Variants in RYR2 observed in about 807,000 individuals in gnomAD.
The protein encoded by RYR2 is ryanodine receptor 2, also known as cardiac muscle ryanodine receptor-calcium release channel.
Under a neutral mutation model 601.1 loss-of-function variants are expected in RYR2, and 227 were observed. The observed-to-expected ratio is 0.38, with a 90% CI of 0.34 to 0.42. RYR2 has a LOEUF of 0.42. Ranked by LOEUF, RYR2 falls within the 10% of genes least tolerant of loss-of-function variation. The probability of loss-of-function intolerance (pLI) is 1.00; values close to 1 mark genes in which losing one functional copy is unlikely to be tolerated. For synonymous variants in RYR2, 2,223 were observed against 2,175.1 expected (o/e 1.02, Z -0.61); for missense variants, 4,646 against 6,156.5 (o/e 0.75, Z 8.21).
intron 52 of RYR2, among the ~76,000 whole-genome samples, chr1:237,655,191 C>A (rs1300360550): frequency 1.3e-5 from 2 of 152,088 alleles, no homozygotes; most frequent in African/African-American, 4.8e-5. Context: ...TTTTTAGAAT[C>A]ATTTACAACA....
At chr1:237,301,148 G>A (rs2058933) in intron 2 of RYR2, among the ~76,000 whole-genome samples, 75,014 of 151,744 alleles carry the variant, frequency 0.49, 19,512 homozygotes, top group African/African-American at 0.66. Context: ...GAATCCAATA[G>A]TTAATTAACA....
intron 1 of RYR2, among the ~76,000 whole-genome samples, chr1:237,269,604 A>T (rs1572421157): frequency 6.6e-6 from 1 of 152,204 alleles, no homozygotes; most frequent in African/African-American, 2.4e-5. Flanking sequence ...GGCCCTTGCC[A>T]CGTAGAACCT....
intron 23 of RYR2, among the ~76,000 whole-genome samples, chr1:237,510,860 T>G (rs570453058): frequency 1.3e-5 from 2 of 152,378 alleles, no homozygotes; most frequent in African/African-American, 4.8e-5. Flanking sequence ...TAGTTTAATG[T>G]GATTGCTAAT....
At chr1:237,380,799 C>T (rs1701440837) in intron 8 of RYR2, among the ~76,000 whole-genome samples, 2 of 151,928 alleles carry the variant, frequency 1.3e-5, no homozygotes, top group South Asian at 4.2e-4. Flanking sequence ...AAAATTAGGC[C>T]AGGCGCGGTG....
At position 237,106,941 on chromosome 1, in the gene RYR2, A is replaced by G. The variant is rs545663698; in HGVS notation, c.48+64372A>G. Among the ~76,000 whole-genome samples the G allele has an allele frequency of 2.6e-5, 4 of 152,250 alleles. No homozygotes were observed. In the East Asian group the frequency reaches 5.8e-4, roughly 22 times the overall value. On this transcript the variant is annotated intron_variant, in intron 1 of 104. Coordinates refer to ENST00000366574, the MANE Select transcript of RYR2 (RefSeq NM_001035.3). This position sits in a 1 kb window ranked among gnomAD's most constrained non-coding sequence, Gnocchi z 4.4. ...TCACCTCCCAAGGCCCCGCCTCCTA[A>G]TGCCATTACATTTGGGGTTAAGATT...
rs528227168 is a variant in RYR2, at chr1:237,605,869, A to G, written c.4683+3758A>G. Among the ~76,000 whole-genome samples the G allele has an allele frequency of 3.7e-3, 562 of 151,592 alleles. 6 individuals are homozygous for G. The highest frequency in any genetic ancestry group is 0.013 in the African/African-American group (531 of 41,472). Reference sequence around the variant, plus strand: ...GGAATCCAACTTACAAGGGATGTGAAGGACCTCTTCAAGGAGAACTACAAA... The same window carrying G: ...GGAATCCAACTTACAAGGGATGTGAGGGACCTCTTCAAGGAGAACTACAAA... On this transcript the variant is annotated intron_variant, in intron 35 of 104. Coordinates refer to ENST00000366574, the MANE Select transcript of RYR2 (RefSeq NM_001035.3).
intron 74 of RYR2, among the ~76,000 whole-genome samples, chr1:237,724,770 A>G (rs1225557426): frequency 9.9e-6 from 1 of 100,710 alleles, no homozygotes; most frequent in African/African-American, 3.5e-5. Flanking sequence ...TACATTTCTG[A>G]CAGCATTGCT....
At chr1:237,825,828 A>T (rs1418297656) in intron 101 of RYR2, among the ~76,000 whole-genome samples, 1 of 152,198 alleles carries the variant, frequency 6.6e-6, no homozygotes, top group Non-Finnish European at 1.5e-5. Flanking sequence ...TAAGAATAAA[A>T]CAAACAACCC....
At chr1:237,743,761 A>G (rs911510214) in intron 80 of RYR2, 16 of 402,854 alleles carry the variant, frequency 4.0e-5, no homozygotes, top group East Asian at 1.3e-4. Context: ...TTGTAGCTCC[A>G]ATGCATTTGG....
At chr1:237,371,179 A>G (rs932959730) in intron 6 of RYR2, among the ~76,000 whole-genome samples, 1 of 150,782 alleles carries the variant, frequency 6.6e-6, no homozygotes, top group African/African-American at 2.4e-5. Flanking sequence ...GTTTTTTGAG[A>G]TAGGGTCTTG....
At chr1:237,451,471 G>A (rs943446433) in intron 14 of RYR2, among the ~76,000 whole-genome samples, 2 of 151,572 alleles carry the variant, frequency 1.3e-5, no homozygotes, top group Non-Finnish European at 2.9e-5. Context: ...CTGTTCTGGA[G>A]GCTAAGGCTC....
At chr1:237,146,928 G>C (rs1674063604) in intron 1 of RYR2, among the ~76,000 whole-genome samples, 2 of 152,180 alleles carry the variant, frequency 1.3e-5, no homozygotes, top group African/African-American at 4.8e-5. Context: ...GTTTAGTGTT[G>C]AACATACTAC....
chr1:237,757,422 A>G (rs1333064644), intron 81 of RYR2, among the ~76,000 whole-genome samples: 1 of 152,174 alleles, frequency 6.6e-6, no homozygotes, highest in Admixed American at 6.5e-5. Flanking sequence ...AGGTCTCGAT[A>G]TTTCAAAATC....
chr1:237,455,016 G>A (rs928011633), intron 15 of RYR2, among the ~76,000 whole-genome samples: 2 of 152,136 alleles, frequency 1.3e-5, no homozygotes, highest in African/African-American at 4.8e-5. Flanking sequence ...GAAGCTGTCA[G>A]GAGAGGGCTA....
intron 1 of RYR2, among the ~76,000 whole-genome samples, chr1:237,148,147 T>A (rs1674220512): frequency 6.6e-6 from 1 of 152,114 alleles, no homozygotes; most frequent in African/African-American, 2.4e-5. Flanking sequence ...GTGTTCAGGG[T>A]CTCATCAAGT....
intron 80 of RYR2, among the ~76,000 whole-genome samples, chr1:237,753,987 C>G (rs1040889830): frequency 6.7e-6 from 1 of 149,866 alleles, no homozygotes; most frequent in African/African-American, 2.5e-5. Context: ...TGCCCAGAAG[C>G]TGTTCTCAAA....
chr1:237,400,353 G>A (rs1199150095), intron 10 of RYR2, among the ~76,000 whole-genome samples: 4 of 152,150 alleles, frequency 2.6e-5, no homozygotes, highest in African/African-American at 4.8e-5. Context: ...TGGCCTCTAA[G>A]GAGGTGGCAA....
In RYR2 at chr1:237,515,672, T is replaced by TTTCCTTCC. The variant is rs71180028; in HGVS notation, c.2822+3898_2822+3905dup. Among the ~76,000 whole-genome samples the TTTCCTTCC allele has an allele frequency of 8.6e-5, 9 of 104,878 alleles. No individual in the cohort carries two copies. In the East Asian group the frequency reaches 9.8e-4, roughly 11 times the overall value. 68.8% of individuals were successfully genotyped at this position (104,878 alleles called of 152,430 possible). ...CTTCCCTCCCCTTCCCCTCCCTTTT[T>TTTCCTTCC]TTCCTTCCTTCCTTCCTTCCTTCCC... On this transcript the variant is annotated intron_variant, in intron 24 of 104. Transcript: ENST00000366574.
chr1:237,081,445 A>G (rs574783567), intron 1 of RYR2, among the ~76,000 whole-genome samples: 1 of 152,030 alleles, frequency 6.6e-6, no homozygotes, highest in Non-Finnish European at 1.5e-5. Context: ...TAAAGGGACA[A>G]CCAAGATCCA....
Sources: gnomAD v4.1 joint callset for allele counts (sites outside exome capture counted in the v4.1 genomes callset) on GRCh38, gnomAD v4.1.1 for gene constraint, Gnocchi (gnomAD v3.1) non-coding constraint, MANE v1.5 for transcripts, NCBI Gene and HGNC (gene_info 2026-07-23, HGNC 2026-07-21) for gene names.